Variants in MOCOS observed in about 807,000 individuals in gnomAD.
The protein encoded by MOCOS is molybdenum cofactor sulfurase, also known as human molybdenum cofactor sulfurase.
Under a neutral mutation model 83.6 loss-of-function variants are expected in MOCOS, and 86 were observed. The observed-to-expected ratio is 1.03, with a 90% CI of 0.86 to 1.23. The LOEUF is 1.23. Among genes scored for constraint, MOCOS ranks in the 50% most tolerant of loss-of-function variants. The probability of loss-of-function intolerance (pLI) is 0.00; values close to 1 mark genes in which losing one functional copy is unlikely to be tolerated. For synonymous variants in MOCOS, 445 were observed against 434.7 expected, an observed-to-expected ratio of 1.02 and a Z score of -0.29; for missense variants, 1,120 against 1,126.9, an observed-to-expected ratio of 0.99 and a Z score of 0.09.
chr18:36,263,424 C>CGGATG (rs1349455752), intron 13 of MOCOS, among the ~76,000 whole-genome samples: 1 of 152,222 alleles, frequency 6.6e-6, no homozygotes, highest in African/African-American at 2.4e-5. Context: ...GCCAGGCCAT[C>CGGATG]CATTGTGAAA....
intron 12 of MOCOS, among the ~76,000 whole-genome samples, chr18:36,258,793 A>G (rs2091651811): frequency 6.6e-6 from 1 of 152,204 alleles, no homozygotes; most frequent in African/African-American, 2.4e-5. Context: ...CTGGTACAAC[A>G]GCCACCCTTC....
chr18:36,240,916 C>G (rs1339771628), intron 9 of MOCOS, among the ~76,000 whole-genome samples: 1 of 152,206 alleles, frequency 6.6e-6, no homozygotes, highest in Non-Finnish European at 1.5e-5. Flanking sequence ...TCCGTCACCC[C>G]TTTCTTTGAT....
intron 9 of MOCOS, among the ~76,000 whole-genome samples, chr18:36,224,967 G>A (rs1377905240): frequency 6.6e-6 from 1 of 151,956 alleles, no homozygotes; most frequent in Non-Finnish European, 1.5e-5. Flanking sequence ...GCTTTATTTT[G>A]TTCATGTTTA....
At chr18:36,239,830 G>A (rs866285560) in intron 9 of MOCOS, among the ~76,000 whole-genome samples, 14,394 of 150,690 alleles carry the variant, frequency 0.096, 818 homozygotes, top group Non-Finnish European at 0.13. Flanking sequence ...GGCTTTGCTC[G>A]TTTCTTTTTA....
chr18:36,215,098 A>G (rs182548476), intron 7 of MOCOS, among the ~76,000 whole-genome samples: 1 of 152,334 alleles, frequency 6.6e-6, no homozygotes. Flanking sequence ...GCCTCCCCTC[A>G]GTAATGAGAG....
Position 36,215,949 on chromosome 18 carries a change from A to T in MOCOS, c.1769A>T (p.Tyr590Phe). The change falls in exon 8 of 15, where the codon TAT becomes TTT. Residue 590 changes from tyrosine to phenylalanine, a missense_variant. Tyr to Phe is a conservative substitution (Grantham distance 22). Coordinates refer to ENST00000261326, the MANE Select transcript of MOCOS (RefSeq NM_017947.4). The stretch of plus-strand genomic sequence containing the variant: ...CATGTTGTCACTAACCTTTATCTCT[A>T]TCCAATCAAATCCTGTGCTGCATTT... Reference protein sequence around the residue: ...GPHVVTNLYLYPIKSCAAFEV... With the variant: ...GPHVVTNLYLFPIKSCAAFEV... The T allele has an allele frequency of 6.2e-7, 1 of 1,613,444 alleles. No individual in the cohort carries two copies. Among genetic ancestry groups the T allele is most frequent in the Non-Finnish European group, 8.5e-7 (1 of 1,179,852 alleles).
chr18:36,203,255 G>C (rs2091421552), intron 5 of MOCOS, 66 bp downstream of exon 5: 1 of 1,438,502 alleles, frequency 7.0e-7, no homozygotes, highest in South Asian at 1.1e-5. Context: ...CTCTGGCACA[G>C]GTGTGATTCA....
chr18:36,187,498 C>A lies in MOCOS; in HGVS notation c.-42C>A. ...GGAGTCGCCGGGGGCCGGCTTCGCG[C>A]ACTTCCCGGGCCCGGCCGGCCTGGA... is the stretch of plus-strand genomic sequence containing the variant. On this transcript the variant is annotated 5_prime_UTR_variant, in exon 1 of 15. Transcript: ENST00000261326. The A allele has an allele frequency of 8.2e-7, 1 of 1,226,640 alleles. No individual in the cohort carries two copies. The highest frequency in any genetic ancestry group is 1.0e-6 in the Non-Finnish European group (1 of 984,086). The allele number at this position is 1,226,640 out of a possible 1,614,324, so 76.0% of individuals were successfully genotyped here.
Position 36,215,784 on chromosome 18 carries a change from C to T in MOCOS, c.1604C>T (p.Ala535Val), listed in dbSNP as rs886080956. 3.1e-6 allele frequency: 5 copies of T among 1,614,086 alleles called. No individual in the cohort carries two copies. The highest frequency in any genetic ancestry group is 3.3e-5 in the Admixed American group (2 of 60,004). The change falls in exon 8 of 15, where the codon GCC becomes GTC. Residue 535 changes from alanine to valine, a missense_variant. Coordinates refer to ENST00000261326, the MANE Select transcript of MOCOS (RefSeq NM_017947.4). ...CGTAGCCTCTCGCCTCAGGAAGATG[C>T]CCTCACAGGCTCCAGGGTTTGGAAC... ...GRRSLSPQEDALTGSRVWNNS... is the reference protein window; with the variant it reads ...GRRSLSPQEDVLTGSRVWNNS...
At chr18:36,259,146 A>G (rs1182669191) in intron 12 of MOCOS, among the ~76,000 whole-genome samples, 1 of 152,168 alleles carries the variant, frequency 6.6e-6, no homozygotes, top group Admixed American at 6.5e-5. Context: ...TACAAAAATA[A>G]GAGTTACAAA....
chr18:36,203,521 C>A (rs1385537265), intron 5 of MOCOS, among the ~76,000 whole-genome samples: 1 of 152,186 alleles, frequency 6.6e-6, no homozygotes, highest in Admixed American at 6.5e-5. Context: ...CCTGCTCTTG[C>A]CTTTCTGGGT....
intron 14 of MOCOS, 59 bp downstream of exon 14, chr18:36,266,912 A>G: frequency 1.5e-6 from 2 of 1,348,470 alleles, no homozygotes; most frequent in Non-Finnish European, 2.1e-6. Flanking sequence ...TCAATACCAG[A>G]ACTATGTTCA....
At chr18:36,256,500 A>G (rs531805384) in intron 11 of MOCOS, among the ~76,000 whole-genome samples, 1 of 152,118 alleles carries the variant, frequency 6.6e-6, no homozygotes, top group Non-Finnish European at 1.5e-5. Flanking sequence ...CCCAGGCTAG[A>G]GTGCAGTGGT....
intron 8 of MOCOS, among the ~76,000 whole-genome samples, chr18:36,219,200 T>A (rs1042272460): frequency 2.0e-5 from 3 of 149,958 alleles, no homozygotes; most frequent in African/African-American, 2.5e-5. Flanking sequence ...TTTATTTTTT[T>A]TTTTGACACA....
rs1248906150 is a variant in MOCOS, at chr18:36,215,803, T to C, written c.1623T>C (p.Val541=). ...PQEDALTGSR[V]WNNSSTVNAV... is the part of the protein sequence containing the mutation. The stretch of plus-strand genomic sequence containing the variant: ...AAGATGCCCTCACAGGCTCCAGGGT[T>C]TGGAACAACTCGTCTACTGTGAATG... The change falls in exon 8 of 15, where the codon GTT becomes GTC. Residue 541 remains valine, a synonymous_variant. Transcript: ENST00000261326. 6.2e-7 allele frequency: 1 copy of C among 1,614,184 alleles called. No homozygotes were observed. Among genetic ancestry groups the C allele is most frequent in the Admixed American group, 1.7e-5 (1 of 60,026 alleles).
At chr18:36,209,662 C>A (rs1395561947) in intron 6 of MOCOS, among the ~76,000 whole-genome samples, 2 of 152,064 alleles carry the variant, frequency 1.3e-5, no homozygotes, top group African/African-American at 2.4e-5. Flanking sequence ...CTGCAAAGGC[C>A]ATTGTTTTGT....
At position 36,195,429 on chromosome 18, in the gene MOCOS, C is replaced by T. The variant is rs569917072; in HGVS notation, c.232+83C>T. On this transcript the variant is annotated intron_variant, in intron 2 of 14. Coordinates refer to ENST00000261326, the MANE Select transcript of MOCOS (RefSeq NM_017947.4). ...GCATGTTAAACGCTGGATTAATAGGCCAGGAATATTCTGACCACAAAAAGC... is the reference window on the plus strand; with the variant it reads ...GCATGTTAAACGCTGGATTAATAGGTCAGGAATATTCTGACCACAAAAAGC... 4.8e-5 allele frequency: 60 copies of T among 1,261,664 alleles called. No individual in the cohort carries two copies. In the South Asian group the frequency reaches 6.9e-4, roughly 14 times the overall value. 78.2% of individuals were successfully genotyped at this position (1,261,664 alleles called of 1,614,324 possible). A position where few individuals can be genotyped will look rare whatever the true frequency, so the allele number is the denominator to read the frequency against.
At chr18:36,260,010 C>T (rs2091657646) in intron 12 of MOCOS, 27 bp from the exon 13 acceptor site, 1 of 1,613,948 alleles carries the variant, frequency 6.2e-7, no homozygotes, top group Non-Finnish European at 8.5e-7. Flanking sequence ...CCTCCCCCTA[C>T]TTACTCTTTT....
chr18:36,210,850 CAAAAAAAAAAAAAAAAAAA>C (rs60856965), intron 6 of MOCOS, among the ~76,000 whole-genome samples: 1 of 48,070 alleles, frequency 2.1e-5, no homozygotes, highest in Non-Finnish European at 3.5e-5. Context: ...GACTCTGTCT[CAAAAAAAAAAAAAAAAAAA>C]AAAAAAAAAA....
Sources: gnomAD v4.1 joint callset for allele counts (sites outside exome capture counted in the v4.1 genomes callset) on GRCh38, gnomAD v4.1.1 for gene constraint, MANE v1.5 for transcripts, NCBI Gene and HGNC (gene_info 2026-07-23, HGNC 2026-07-21) for gene names.